The following GRIN2A variants were observed in gnomAD, a reference collection of about 807,000 sequenced individuals.
GRIN2A encodes the protein glutamate ionotropic receptor NMDA type subunit 2A.
Under a neutral mutation model 113.4 loss-of-function variants are expected in GRIN2A, and 22 were observed. That is an observed-to-expected ratio of 0.19 (90% CI 0.14 to 0.28). GRIN2A has a LOEUF of 0.28. Ranked by LOEUF, GRIN2A falls within the 10% of genes least tolerant of loss-of-function variation. GRIN2A has a pLI of 1.00. For synonymous variants in GRIN2A, 827 were observed against 738.4 expected, an observed-to-expected ratio of 1.12 and a Z score of -1.94; for missense variants, 1,502 against 1,887.0, an observed-to-expected ratio of 0.80 and a Z score of 3.78.
intron 3 of GRIN2A, among the ~76,000 whole-genome samples, chr16:9,918,872 G>T (rs2044304787): frequency 6.6e-6 from 1 of 151,870 alleles, no homozygotes; most frequent in East Asian, 1.9e-4. Context: ...CGGGCGTTTA[G>T]TGGTTAATGT....
At chr16:10,106,035 G>A (rs1338144469) in intron 2 of GRIN2A, among the ~76,000 whole-genome samples, 2 of 152,200 alleles carry the variant, frequency 1.3e-5, no homozygotes, top group African/African-American at 2.4e-5. Context: ...TGCCAGCTAT[G>A]TTAAAAGAAG....
intron 2 of GRIN2A, among the ~76,000 whole-genome samples, chr16:10,025,180 T>A (rs918673786): frequency 6.6e-6 from 1 of 151,910 alleles, no homozygotes; most frequent in African/African-American, 2.4e-5. Context: ...GACTGGAGAT[T>A]ACTAATGGTG....
In GRIN2A at chr16:10,063,017, A is replaced by AT. The variant is rs369575462; in HGVS notation, c.414+116980dup. Among the ~76,000 whole-genome samples, 6 of 152,330 alleles carry AT rather than the reference A, an allele frequency of 3.9e-5. No homozygotes were observed. In the East Asian group the frequency reaches 1.2e-3, roughly 29 times the overall value. On this transcript the variant is annotated intron_variant, in intron 2 of 12. Transcript: ENST00000330684. ...GGATTGGATAAAGAAAATTTGGCAC[A>AT]TATATACCATGGAATATACACAGCC... is the stretch of plus-strand genomic sequence containing the variant.
At chr16:10,178,884 G>C (rs117667245) in intron 2 of GRIN2A, among the ~76,000 whole-genome samples, 1 of 152,180 alleles carries the variant, frequency 6.6e-6, no homozygotes, top group African/African-American at 2.4e-5. Context: ...CTCCAAGAAG[G>C]TCTCAGGGCT....
intron 2 of GRIN2A, among the ~76,000 whole-genome samples, chr16:10,126,633 G>A (rs927721957): frequency 4.6e-5 from 7 of 151,788 alleles, no homozygotes; most frequent in Non-Finnish European, 1.0e-4. Context: ...TCATCTTTGT[G>A]CGTTAAAGAT....
rs536603980 is a variant in GRIN2A, at chr16:9,912,198, G to A, written c.1008-21098C>T. Among the ~76,000 whole-genome samples the A allele has an allele frequency of 5.3e-5, 8 of 152,078 alleles. No homozygotes were observed. In the South Asian group the frequency reaches 1.2e-3, roughly 24 times the overall value. On this transcript the variant is annotated intron_variant, in intron 3 of 12. Transcript: ENST00000330684. Reference sequence around the variant, plus strand: ...TGGGGAAAAAAAGGAAGAAGATGTTGGTAATTATGGCAATGATGATGATGG... The same window carrying A: ...TGGGGAAAAAAAGGAAGAAGATGTTAGTAATTATGGCAATGATGATGATGG...
chr16:9,919,599 G>T (rs1259760706), intron 3 of GRIN2A, among the ~76,000 whole-genome samples: 2 of 152,190 alleles, frequency 1.3e-5, no homozygotes, highest in Non-Finnish European at 2.9e-5. Context: ...GAGATGAATT[G>T]TCACAGGGAA....
chr16:10,037,481 T>A (rs769471481), intron 2 of GRIN2A, among the ~76,000 whole-genome samples: 2 of 152,108 alleles, frequency 1.3e-5, no homozygotes. Flanking sequence ...TTCTAAAAAG[T>A]ATATTGGACT....
At chr16:9,969,068 CAGAGTGAATTTAA>C (rs2045617985) in intron 2 of GRIN2A, among the ~76,000 whole-genome samples, 1 of 151,866 alleles carries the variant, frequency 6.6e-6, no homozygotes, top group Non-Finnish European at 1.5e-5. Context: ...GTCTGAAATT[CAGAGTGAATTTAA>C]CACATATAGC....
intron 2 of GRIN2A, among the ~76,000 whole-genome samples, chr16:10,166,124 T>A (rs2049917045): frequency 6.6e-6 from 1 of 152,208 alleles, no homozygotes; most frequent in African/African-American, 2.4e-5. Flanking sequence ...GGAAAATATG[T>A]CTTTTTCTTT....
chr16:9,959,898 G>C (rs770947407), intron 2 of GRIN2A, among the ~76,000 whole-genome samples: 1 of 152,146 alleles, frequency 6.6e-6, no homozygotes, highest in Non-Finnish European at 1.5e-5. Context: ...GCTTGAACCC[G>C]GGAGGCAGAG....
chr16:9,922,111 A>C (rs2044368776), intron 3 of GRIN2A, among the ~76,000 whole-genome samples: 1 of 152,208 alleles, frequency 6.6e-6, no homozygotes, highest in Non-Finnish European at 1.5e-5. Context: ...ATCTTTCTTA[A>C]GTGGAAGAAA....
chr16:9,836,293 A>G (rs1221680028), intron 7 of GRIN2A, among the ~76,000 whole-genome samples: 1 of 152,266 alleles, frequency 6.6e-6, no homozygotes, highest in Non-Finnish European at 1.5e-5. Flanking sequence ...GATTAAAGCC[A>G]GAAATACTGG....
chr16:10,008,058 A>T (rs1321242029), intron 2 of GRIN2A, among the ~76,000 whole-genome samples: 1 of 152,168 alleles, frequency 6.6e-6, no homozygotes. Context: ...GGCATACAGT[A>T]GGCACTCTAT....
chr16:9,811,369 T>C (rs1461884670), intron 10 of GRIN2A, among the ~76,000 whole-genome samples: 1 of 152,204 alleles, frequency 6.6e-6, no homozygotes, highest in Non-Finnish European at 1.5e-5. Context: ...TTCAGTGTCC[T>C]CCTCTATAAA....
intron 9 of GRIN2A, among the ~76,000 whole-genome samples, chr16:9,825,467 A>C (rs2042369991): frequency 6.6e-6 from 1 of 152,226 alleles, no homozygotes; most frequent in Non-Finnish European, 1.5e-5. Context: ...AAGTGACTAA[A>C]ACATGGCAAG....
At chr16:10,010,905 T>G (rs2046492881) in intron 2 of GRIN2A, among the ~76,000 whole-genome samples, 1 of 152,192 alleles carries the variant, frequency 6.6e-6, no homozygotes, top group South Asian at 2.1e-4. Flanking sequence ...AGCATAGTCC[T>G]CCACCCCACC....
At chr16:9,848,661 A>C (rs1192135395) in intron 5 of GRIN2A, among the ~76,000 whole-genome samples, 1 of 145,796 alleles carries the variant, frequency 6.9e-6, no homozygotes, top group Non-Finnish European at 1.5e-5. Flanking sequence ...TATTTAATAC[A>C]TAAAATATAT....
chr16:9,983,570 G>C (rs2045929152), intron 2 of GRIN2A, among the ~76,000 whole-genome samples: 1 of 150,896 alleles, frequency 6.6e-6, no homozygotes, highest in Admixed American at 6.6e-5. Flanking sequence ...CTCCCGAGTA[G>C]CTAGGACTAC....
Sources: gnomAD v4.1 joint callset for allele counts (sites outside exome capture counted in the v4.1 genomes callset) on GRCh38, gnomAD v4.1.1 for gene constraint, MANE v1.5 for transcripts, NCBI Gene and HGNC (gene_info 2026-07-23, HGNC 2026-07-21) for gene names.